The following TRIM9 variants were observed in gnomAD, a reference collection of about 807,000 sequenced individuals.
The protein encoded by TRIM9 is tripartite motif containing 9.
Under a neutral mutation model 78.3 loss-of-function variants are expected in TRIM9, and 26 were observed. The ratio of observed to expected loss-of-function variants is 0.33; its 90% CI spans 0.24 to 0.46. TRIM9 has a LOEUF of 0.46. Among genes scored for constraint, TRIM9 ranks in the 20% least tolerant of loss-of-function variants. The pLI, the probability that TRIM9 is intolerant of heterozygous loss-of-function variation, is 1.00. For synonymous variants in TRIM9, 398 were observed against 416.5 expected (o/e 0.96, Z 0.54); for missense variants, 787 against 1,036.4 (o/e 0.76, Z 3.30).
chr14:50,997,335 C>T, intron 7 of TRIM9: 2 of 985,336 alleles, frequency 2.0e-6, no homozygotes, highest in Non-Finnish European at 2.4e-6. Context: ...AGCAAAAATT[C>T]TCTAGAGATG....
At chr14:51,005,884 T>C (rs2055724964) in intron 5 of TRIM9, among the ~76,000 whole-genome samples, 2 of 152,152 alleles carry the variant, frequency 1.3e-5, no homozygotes, top group Admixed American at 1.3e-4. Flanking sequence ...TGGTGTGGAA[T>C]CAGAATGGGT....
chr14:50,983,899 GAATA>G (rs2052336991), intron 8 of TRIM9, among the ~76,000 whole-genome samples: 1 of 152,194 alleles, frequency 6.6e-6, no homozygotes, highest in Non-Finnish European at 1.5e-5. Flanking sequence ...ATCCATTTGT[GAATA>G]CATACATCTT....
At chr14:51,024,957 C>A (rs1253910213) in intron 2 of TRIM9, among the ~76,000 whole-genome samples, 1 of 152,120 alleles carries the variant, frequency 6.6e-6, no homozygotes, top group African/African-American at 2.4e-5. Context: ...ACAATAAGGA[C>A]CCTGAGTTTA....
At chr14:51,081,950 A>C (rs539887984) in intron 1 of TRIM9, among the ~76,000 whole-genome samples, 9 of 152,184 alleles carry the variant, frequency 5.9e-5, no homozygotes, top group Non-Finnish European at 1.3e-4. Context: ...TATAGAACTC[A>C]ATCTCCAGCC....
chr14:50,986,282 C>G (rs1161801692), intron 7 of TRIM9, 138 bp from the exon 8 acceptor site: 1 of 728,020 alleles, frequency 1.4e-6, no homozygotes, highest in Non-Finnish European at 1.9e-6. Context: ...CAGGCATTTA[C>G]AAAACCAATG....
intron 1 of TRIM9, among the ~76,000 whole-genome samples, chr14:51,032,626 C>A (rs8009082): frequency 0.2 from 29,692 of 152,148 alleles, 3,281 homozygotes; most frequent in Non-Finnish European, 0.25. Context: ...TTCCTCACTT[C>A]CAGGTGGATC....
intron 1 of TRIM9, among the ~76,000 whole-genome samples, chr14:51,029,573 A>T (rs367763486): frequency 6.6e-6 from 1 of 152,246 alleles, no homozygotes; most frequent in Non-Finnish European, 1.5e-5. Flanking sequence ...TTGCTCAGCA[A>T]TTACCCATTG....
chr14:51,017,805 G>T (rs1026312698), intron 3 of TRIM9, among the ~76,000 whole-genome samples: 3 of 152,238 alleles, frequency 2.0e-5, no homozygotes, highest in South Asian at 2.1e-4. Flanking sequence ...CAAAGTGAGT[G>T]GGGGGGCTGT....
In TRIM9 at chr14:50,993,178, A is replaced by G. The variant is rs141023749; in HGVS notation, c.1603+4872T>C. 4.6e-3 allele frequency among the ~76,000 whole-genome samples: 706 copies of G among 152,180 alleles called. 5 individuals are homozygous for G. Among genetic ancestry groups the G allele is most frequent in the Non-Finnish European group, 7.3e-3 (497 of 68,000 alleles). ...AATCTCGTCACTGCCAGCCAAGAGT[A>G]TCCACTGGTACCAGTGGGGGAAGGG... is the stretch of plus-strand genomic sequence containing the variant. On this transcript the variant is annotated intron_variant, in intron 7 of 12. Transcript: ENST00000684578.
intron 12 of TRIM9, chr14:50,978,766 G>GTTT: frequency 3.4e-5 from 11 of 327,404 alleles, no homozygotes; most frequent in Non-Finnish European, 4.1e-5. Context: ...CTGTTTTTTT[G>GTTT]TTTTTTTTTT....
chr14:51,094,975 GC>G lies in TRIM9; in HGVS notation c.-37del, dbSNP rs746543371. On this transcript the variant is annotated 5_prime_UTR_variant, in exon 1 of 13. Coordinates refer to ENST00000684578, the MANE Select transcript of TRIM9 (RefSeq NM_001387360.1). ...CTGGGAGGAGACAGCGACGGCTGCA[GC>G]GGGTGCCTGAGCTGGCGAGGTGGCC... 14 of 1,380,782 alleles carry G rather than the reference GC, an allele frequency of 1.0e-5. No individual in the cohort carries two copies. The African/African-American group carries it at 1.2e-4, about 11-fold the overall frequency. 85.5% of individuals were successfully genotyped at this position (1,380,782 alleles called of 1,614,324 possible).
At chr14:51,049,277 G>A (rs1462229930) in intron 1 of TRIM9, among the ~76,000 whole-genome samples, 1 of 152,124 alleles carries the variant, frequency 6.6e-6, no homozygotes, top group Non-Finnish European at 1.5e-5. Flanking sequence ...AGTTGACCAG[G>A]CTGGTCTTAT....
At chr14:51,073,885 C>T (rs1373921203) in intron 1 of TRIM9, among the ~76,000 whole-genome samples, 1 of 152,112 alleles carries the variant, frequency 6.6e-6, no homozygotes, top group Non-Finnish European at 1.5e-5. Flanking sequence ...CAGTTCCTCC[C>T]ATAGGATATA....
chr14:51,081,920 T>C (rs2063339410), intron 1 of TRIM9, among the ~76,000 whole-genome samples: 1 of 152,212 alleles, frequency 6.6e-6, no homozygotes, highest in Non-Finnish European at 1.5e-5. Flanking sequence ...ACTTTCCAAA[T>C]CTTGTTGTTC....
chr14:51,052,985 T>C (rs1379794303), intron 1 of TRIM9, among the ~76,000 whole-genome samples: 1 of 152,006 alleles, frequency 6.6e-6, no homozygotes, highest in Non-Finnish European at 1.5e-5. Context: ...GGTGAAACCC[T>C]ACCTCTATAA....
chr14:50,979,032 C>T (rs2051444077), intron 12 of TRIM9: 10 of 1,287,658 alleles, frequency 7.8e-6, no homozygotes, highest in African/African-American at 1.5e-5. Flanking sequence ...CTCAGGCACT[C>T]CTGAGCTTTG....
intron 3 of TRIM9, among the ~76,000 whole-genome samples, chr14:51,011,081 T>A (rs1308344502): frequency 6.6e-6 from 1 of 152,176 alleles, no homozygotes; most frequent in Non-Finnish European, 1.5e-5. Flanking sequence ...AATGAGCTAA[T>A]GAAAAGCTGA....
intron 12 of TRIM9, among the ~76,000 whole-genome samples, chr14:50,977,575 T>G (rs1311241249): frequency 6.6e-6 from 1 of 152,194 alleles, no homozygotes; most frequent in Non-Finnish European, 1.5e-5. Context: ...GATTATATGG[T>G]TCTTAGTCAC....
Position 51,022,934 on chromosome 14 carries a change from G to T in TRIM9, c.942C>A (p.Ala314=), listed in dbSNP as rs2057895130. The T allele has an allele frequency of 6.2e-7, 1 of 1,614,004 alleles. No homozygotes were observed. The highest frequency in any genetic ancestry group is 8.5e-7 in the Non-Finnish European group (1 of 1,180,040). Residue 314 remains alanine (A), a synonymous_variant, in exon 3 of 13, where the codon GCC becomes GCA. Coordinates refer to ENST00000684578, the MANE Select transcript of TRIM9 (RefSeq NM_001387360.1). The stretch of plus-strand genomic sequence containing the variant: ...GGGCATCACATTGGGCCACCAGACA[G>T]GCTTCAAACTCCACACTGTTCTCCT... ...QIQENSVEFE[A]CLVAQCDALI... is the part of the protein sequence containing the mutation.
Sources: allele counts gnomAD v4.1 joint callset (sites outside exome capture counted in the v4.1 genomes callset), GRCh38; gene constraint gnomAD v4.1.1; transcripts MANE v1.5; gene names NCBI Gene and HGNC (gene_info 2026-07-23, HGNC 2026-07-21).